The following CTBP1 variants were observed in gnomAD, a reference collection of about 807,000 sequenced individuals.
The protein encoded by CTBP1 is C-terminal-binding protein 1.
Under a neutral mutation model 42.1 loss-of-function variants are expected in CTBP1, and 11 were observed. The observed-to-expected ratio is 0.26, with a 90% CI of 0.16 to 0.43. The LOEUF (loss-of-function observed/expected upper bound fraction) is 0.43. Among genes scored for constraint, CTBP1 ranks in the 20% least tolerant of loss-of-function variants. CTBP1 has a pLI of 1.00. For synonymous variants in CTBP1, 324 were observed against 277.1 expected (o/e 1.17, Z -1.68); for missense variants, 399 against 624.3 (o/e 0.64, Z 3.85).
At chr4:1,249,131 G>C (rs1388507755), upstream of CTBP1, 1 of 159,386 alleles carries the variant, frequency 6.3e-6, no homozygotes, top group African/African-American at 2.5e-5. Context: ...CCGCGCGGGC[G>C]GGGACACGGC....
chr4:1,244,187 A>T (rs1732479633), intron 1 of CTBP1: 1 of 984,740 alleles, frequency 1.0e-6, no homozygotes, highest in African/African-American at 1.8e-5. Context: ...TGCTTGCCGG[A>T]TCCTCCCTCC....
chr4:1,214,196 A>T, intron 7 of CTBP1, 147 bp downstream of exon 7: 1 of 1,075,544 alleles, frequency 9.3e-7, no homozygotes, highest in South Asian at 2.0e-5. Context: ...CTCACCCCGC[A>T]GCGGGCGGCA....
chr4:1,215,928 C>A, intron 6 of CTBP1, 63 bp downstream of exon 6: 1 of 1,517,846 alleles, frequency 6.6e-7, no homozygotes, highest in Non-Finnish European at 8.9e-7. Flanking sequence ...GAGGGACCTG[C>A]CTGACACCCC....
chr4:1,239,150 T>C (rs988038393), intron 2 of CTBP1, among the ~76,000 whole-genome samples: 29 of 152,336 alleles, frequency 1.9e-4, no homozygotes, highest in African/African-American at 7.0e-4. Flanking sequence ...TTAACACCCA[T>C]TCCTTTCGCG....
chr4:1,245,405 G>A, intron 1 of CTBP1: 1 of 985,420 alleles, frequency 1.0e-6, no homozygotes, highest in Non-Finnish European at 1.2e-6. Context: ...CACATGTGGG[G>A]TATCAGGGCT....
In CTBP1 at chr4:1,211,986, CAAG is replaced by C; in HGVS notation, c.*251_*253del. On this transcript the variant is annotated 3_prime_UTR_variant, in exon 10 of 10. Coordinates refer to ENST00000382952, the MANE Select transcript of CTBP1 (RefSeq NM_001012614.2). The stretch of plus-strand genomic sequence containing the variant: ...TAATGTTCTAAAAACTGTACACAGA[CAAG>C]AACGTTCATGGGAGAATAACTACTG... 1 of 360,460 alleles carries C rather than the reference CAAG, an allele frequency of 2.8e-6. No homozygotes were observed. The highest frequency in any genetic ancestry group is 4.9e-6 in the Non-Finnish European group (1 of 202,422). The allele number at this position is 360,460 out of a possible 1,614,324, so 22.3% of individuals were successfully genotyped here. A position where few individuals can be genotyped will look rare whatever the true frequency, so the allele number is the denominator to read the frequency against.
At chr4:1,232,667 G>A (rs939398849) in intron 3 of CTBP1, among the ~76,000 whole-genome samples, 1 of 152,150 alleles carries the variant, frequency 6.6e-6, no homozygotes. Flanking sequence ...TTCCTCTGTA[G>A]TATCACATTT....
intron 1 of CTBP1, chr4:1,242,151 C>T (rs1028821990): frequency 1.3e-5 from 13 of 985,330 alleles, no homozygotes; most frequent in African/African-American, 1.7e-5. Flanking sequence ...CAGGGCCTGG[C>T]GGGAAGCTGA....
chr4:1,248,761 G>C (rs1427141479), intron 1 of CTBP1, 155 bp downstream of exon 1: 6 of 976,292 alleles, frequency 6.1e-6, no homozygotes, highest in Non-Finnish European at 7.3e-6. Flanking sequence ...CCCCGACCGC[G>C]GCCACGCGCG....
intron 1 of CTBP1, among the ~76,000 whole-genome samples, chr4:1,246,188 GGAGGACCCGGGGGTCCA>G (rs1732704408): frequency 6.6e-6 from 1 of 152,164 alleles, no homozygotes; most frequent in Non-Finnish European, 1.5e-5. Flanking sequence ...AGCTGACAAT[GGAGGACCCGGGGGTCCA>G]GACACTCCCG....
rs577004598 is a variant in CTBP1, at chr4:1,225,970, G to T, written c.308-404C>A. Among the ~76,000 whole-genome samples the T allele has an allele frequency of 4.1e-3, 618 of 152,124 alleles. 4 individuals are homozygous for T. The highest frequency in any genetic ancestry group is 0.014 in the African/African-American group (593 of 41,504). On this transcript the variant is annotated intron_variant, in intron 4 of 9. Coordinates refer to ENST00000382952, the MANE Select transcript of CTBP1 (RefSeq NM_001012614.2). ...GGAGGCTGTGGCCAGGTCAGAATCT[G>T]GGTGCCGGCCCCGCCTGCACACCCC...
At chr4:1,243,593 C>A (rs1732413225) in intron 1 of CTBP1, 1 of 985,322 alleles carries the variant, frequency 1.0e-6, no homozygotes, top group African/African-American at 1.7e-5. Context: ...CGCCCCCTGC[C>A]GGGCCACACC....
chr4:1,213,763 A>T, intron 7 of CTBP1, 158 bp from the exon 8 acceptor site: 3 of 949,840 alleles, frequency 3.2e-6, no homozygotes, highest in Non-Finnish European at 4.5e-6. Flanking sequence ...GCTCAAGAGC[A>T]CAGCCCCGGG....
chr4:1,228,128 C>T, intron 4 of CTBP1, 71 bp downstream of exon 4: 8 of 1,579,498 alleles, frequency 5.1e-6, no homozygotes, highest in Non-Finnish European at 6.9e-6. Context: ...GCAGTGAAGC[C>T]TCCATGGACG....
chr4:1,214,287 G>A, intron 7 of CTBP1, 56 bp downstream of exon 7: 1 of 1,489,794 alleles, frequency 6.7e-7, no homozygotes, highest in South Asian at 1.4e-5. Context: ...GGAGGTCAAG[G>A]CCGGCAGGAT....
chr4:1,214,292 C>T, intron 7 of CTBP1, 51 bp downstream of exon 7: 2 of 1,497,184 alleles, frequency 1.3e-6, no homozygotes, highest in Non-Finnish European at 1.8e-6. Context: ...TCAAGGCCGG[C>T]AGGATGGTGG....
chr4:1,242,424 C>G (rs919935479), intron 1 of CTBP1: 1 of 985,250 alleles, frequency 1.0e-6, no homozygotes, highest in Non-Finnish European at 1.2e-6. Flanking sequence ...CGACTGCCTG[C>G]CAGGCCAGAA....
chr4:1,214,552 A>ACG, intron 6 of CTBP1, 79 bp from the exon 7 acceptor site: 1 of 1,479,056 alleles, frequency 6.8e-7, no homozygotes, highest in Non-Finnish European at 8.9e-7. Context: ...GTGGTCACGC[A>ACG]CGCCGTTGGG....
chr4:1,221,685 T>G (rs1447638187), intron 5 of CTBP1: 1 of 302,058 alleles, frequency 3.3e-6, no homozygotes, highest in Non-Finnish European at 6.7e-6. Context: ...GAAGGCCCTC[T>G]GCTCTAGGAA....
Sources: gnomAD v4.1 joint callset for allele counts (sites outside exome capture counted in the v4.1 genomes callset) on GRCh38, gnomAD v4.1.1 for gene constraint, MANE v1.5 for transcripts, NCBI Gene and HGNC (gene_info 2026-07-23, HGNC 2026-07-21) for gene names.